Variants in NCOA2 observed in about 807,000 individuals in gnomAD.
NCOA2 encodes the protein class E basic helix-loop-helix protein 75.
A neutral mutation model predicts 145.1 loss-of-function variants in NCOA2; 21 were observed. The ratio of observed to expected loss-of-function variants is 0.14; its 90% CI spans 0.10 to 0.21. The LOEUF (loss-of-function observed/expected upper bound fraction) is 0.21, where lower values mean the gene tolerates loss of function less well. Ranked by LOEUF, NCOA2 falls within the 10% of genes least tolerant of loss-of-function variation. The pLI, the probability that NCOA2 is intolerant of heterozygous loss-of-function variation, is 1.00. For missense variants in NCOA2, 1,472 were observed against 1,837.6 expected (o/e 0.80, Z 3.64); for synonymous variants, 619 against 637.5 (o/e 0.97, Z 0.44).
chr8:70,387,329 T>C (rs980680932), intron 1 of NCOA2, among the ~76,000 whole-genome samples: 1 of 152,196 alleles, frequency 6.6e-6, no homozygotes, highest in African/African-American at 2.4e-5. Context: ...CCCTGCCATG[T>C]TGGCAATATC....
chr8:70,140,977 T>C (rs986867111), intron 14 of NCOA2, among the ~76,000 whole-genome samples: 4 of 152,138 alleles, frequency 2.6e-5, no homozygotes, highest in Non-Finnish European at 4.4e-5. Context: ...AAATAAAACA[T>C]CTCAAAGGTA....
chr8:70,207,820 G>A (rs969855419), intron 4 of NCOA2, among the ~76,000 whole-genome samples: 8 of 129,260 alleles, frequency 6.2e-5, no homozygotes, highest in African/African-American at 2.4e-4. Context: ...CTGAGATGGC[G>A]CCACTGAACT....
At chr8:70,279,379 T>C (rs1225476958) in intron 2 of NCOA2, among the ~76,000 whole-genome samples, 1 of 152,054 alleles carries the variant, frequency 6.6e-6, no homozygotes, top group Non-Finnish European at 1.5e-5. Context: ...TGGCATAGAG[T>C]GGATTTTCAA....
the NCOA2 span, among the ~76,000 whole-genome samples, chr8:70,442,144 A>AAAAGAAAGAAAGAAAGAAAGG: frequency 7.8e-6 from 1 of 128,410 alleles, no homozygotes; most frequent in Non-Finnish European, 1.6e-5. Flanking sequence ...AGAAAGAAAG[A>AAAAGAAAGAAAGAAAGAAAGG]AAGAAAGAAA....
At chr8:70,146,741 G>A (rs1306028883) in intron 12 of NCOA2, among the ~76,000 whole-genome samples, 3 of 151,800 alleles carry the variant, frequency 2.0e-5, no homozygotes, top group East Asian at 1.9e-4. Flanking sequence ...TGTTGTCCAC[G>A]GTGGAGTGCA....
chr8:70,141,498 G>A (rs908987595), intron 13 of NCOA2, 99 bp from the exon 14 acceptor site: 1 of 1,129,088 alleles, frequency 8.9e-7, no homozygotes, highest in Non-Finnish European at 1.3e-6. Context: ...CAATCATTCT[G>A]TAATTCACAC....
chr8:70,270,142 A>G (rs1456948324), intron 2 of NCOA2, among the ~76,000 whole-genome samples: 1 of 151,938 alleles, frequency 6.6e-6, no homozygotes, highest in Non-Finnish European at 1.5e-5. Context: ...TGATCTCACC[A>G]CTGCACTCCA....
chr8:70,310,346 C>CAAAA (rs34849703), intron 1 of NCOA2, among the ~76,000 whole-genome samples: 64 of 72,412 alleles, frequency 8.8e-4, no homozygotes, highest in East Asian at 5.5e-3. Context: ...TCTGTCTTCC[C>CAAAA]AAAAAAAAAA....
At chr8:70,448,533 G>T in the NCOA2 span, among the ~76,000 whole-genome samples, 1 of 152,166 alleles carries the variant, frequency 6.6e-6, no homozygotes. Flanking sequence ...GTGACAATTG[G>T]CAAAGGTAGA....
At chr8:70,437,842 G>T in the NCOA2 span, among the ~76,000 whole-genome samples, 3 of 152,264 alleles carry the variant, frequency 2.0e-5, no homozygotes, top group South Asian at 6.2e-4. Context: ...CATGGATATT[G>T]TATTATACAT....
chr8:70,256,061 T>A (rs1279337574), intron 2 of NCOA2, among the ~76,000 whole-genome samples: 1 of 152,190 alleles, frequency 6.6e-6, no homozygotes, highest in Non-Finnish European at 1.5e-5. Context: ...CTTTTACCCT[T>A]GACAGAATTA....
At chr8:70,226,116 ATTAAT>A (rs1047481612) in intron 2 of NCOA2, among the ~76,000 whole-genome samples, 9 of 152,308 alleles carry the variant, frequency 5.9e-5, no homozygotes, top group African/African-American at 1.9e-4. Context: ...AAAATTAAAA[ATTAAT>A]TTAAAACAGA....
At chr8:70,133,427 AT>A (rs1809386718) in intron 15 of NCOA2, among the ~76,000 whole-genome samples, 1 of 151,798 alleles carries the variant, frequency 6.6e-6, no homozygotes. Context: ...GTCTTGCTAC[AT>A]TGCCCAGGCT....
In NCOA2 at chr8:70,243,927, T is replaced by TA. The variant is rs1466083889; in HGVS notation, c.-19-27164dup. ...CTTTTTAAAAGAAAATCCCATTTAA[T>TA]AAAATTAATGATTTATTAAACTATA... On this transcript the variant is annotated intron_variant, in intron 2 of 22. Transcript: ENST00000452400. Among the ~76,000 whole-genome samples, 9 of 152,126 alleles carry TA rather than the reference T, an allele frequency of 5.9e-5. No homozygotes were observed. The South Asian group carries it at 1.4e-3, about 24-fold the overall frequency.
intron 18 of NCOA2, 112 bp from the exon 19 acceptor site, chr8:70,127,159 T>C (rs1808505485): frequency 2.7e-6 from 2 of 742,384 alleles, no homozygotes; most frequent in Non-Finnish European, 4.5e-6. Context: ...GTAAAATTAT[T>C]TGGAAAAAAA....
intron 1 of NCOA2, among the ~76,000 whole-genome samples, chr8:70,317,012 G>C (rs1586470118): frequency 2.0e-5 from 3 of 152,150 alleles, no homozygotes; most frequent in South Asian, 2.1e-4. Flanking sequence ...CCCCTGGATA[G>C]TTTTGGCTTT....
intron 2 of NCOA2, among the ~76,000 whole-genome samples, chr8:70,240,268 T>C (rs1359024532): frequency 1.3e-5 from 2 of 152,184 alleles, no homozygotes; most frequent in Non-Finnish European, 2.9e-5. Flanking sequence ...GCAGATAACA[T>C]TTACTTCACA....
chr8:70,310,071 C>A (rs1333989400), intron 1 of NCOA2, among the ~76,000 whole-genome samples: 3 of 152,018 alleles, frequency 2.0e-5, no homozygotes, highest in Non-Finnish European at 4.4e-5. Context: ...GTGGCTCATA[C>A]CTGTAACCCA....
chr8:70,384,877 C>T (rs1812519661), intron 1 of NCOA2, among the ~76,000 whole-genome samples: 3 of 152,170 alleles, frequency 2.0e-5, no homozygotes, highest in African/African-American at 7.2e-5. Context: ...CCACTCCCAT[C>T]CATTGAGAAC....
Sources: allele counts gnomAD v4.1 joint callset (sites outside exome capture counted in the v4.1 genomes callset), GRCh38; gene constraint gnomAD v4.1.1; transcripts MANE v1.5; gene names NCBI Gene and HGNC (gene_info 2026-07-23, HGNC 2026-07-21).